The following MTUS2 variants were observed in gnomAD, a reference collection of about 807,000 sequenced individuals.
The protein encoded by MTUS2 is microtubule-associated tumor suppressor candidate 2.
A neutral mutation model predicts 114.1 loss-of-function variants in MTUS2; 40 were observed. The observed-to-expected ratio is 0.35, with a 90% CI of 0.27 to 0.46. The LOEUF is 0.46. Ranked by LOEUF, MTUS2 falls within the 20% of genes least tolerant of loss-of-function variation. The pLI is 1.00. For synonymous variants in MTUS2, 688 were observed against 672.0 expected (o/e 1.02, Z -0.37); for missense variants, 1,679 against 1,705.4 (o/e 0.98, Z 0.27).
At chr13:29,230,103 G>A (rs1363208124) in intron 5 of MTUS2, among the ~76,000 whole-genome samples, 8 of 151,982 alleles carry the variant, frequency 5.3e-5, no homozygotes, top group African/African-American at 1.2e-4. Flanking sequence ...AAAATTAGCC[G>A]GGCATGGTGG....
intron 5 of MTUS2, among the ~76,000 whole-genome samples, chr13:29,209,172 T>C (rs1895317554): frequency 6.6e-6 from 1 of 152,176 alleles, no homozygotes; most frequent in Non-Finnish European, 1.5e-5. Flanking sequence ...TTTATCATTA[T>C]GTAATATTCC....
At chr13:29,043,208 G>T (rs2138566360) in intron 4 of MTUS2, among the ~76,000 whole-genome samples, 1 of 152,190 alleles carries the variant, frequency 6.6e-6, no homozygotes, top group African/African-American at 2.4e-5. Flanking sequence ...TCTTTCAAGA[G>T]CAGGTTGTTT....
intron 2 of MTUS2, among the ~76,000 whole-genome samples, chr13:28,894,138 A>G (rs1246314556): frequency 6.6e-6 from 1 of 151,212 alleles, no homozygotes; most frequent in Non-Finnish European, 1.5e-5. Flanking sequence ...TCACCCTACA[A>G]TTCATATATT....
intron 2 of MTUS2, among the ~76,000 whole-genome samples, chr13:28,955,543 G>A (rs1273352464): frequency 6.6e-6 from 1 of 152,168 alleles, no homozygotes; most frequent in Non-Finnish European, 1.5e-5. Flanking sequence ...ACCCATATAT[G>A]TGATGGTTTT....
chr13:29,069,959 A>G (rs1441525020), intron 4 of MTUS2, among the ~76,000 whole-genome samples: 3 of 152,254 alleles, frequency 2.0e-5, no homozygotes, highest in African/African-American at 7.2e-5. Flanking sequence ...TATAACAAAA[A>G]GGGGATGTAT....
chr13:29,000,996 T>G (rs1885360450), intron 2 of MTUS2, among the ~76,000 whole-genome samples: 1 of 152,146 alleles, frequency 6.6e-6, no homozygotes, highest in African/African-American at 2.4e-5. Context: ...TCTACAGTCC[T>G]TAGGGTAGGA....
intron 4 of MTUS2, among the ~76,000 whole-genome samples, chr13:29,055,751 A>G (rs564634750): frequency 4.3e-4 from 65 of 152,180 alleles, no homozygotes; most frequent in African/African-American, 1.4e-3. Flanking sequence ...TTGCCATTCT[A>G]ACTGGTGTGA....
intron 5 of MTUS2, among the ~76,000 whole-genome samples, chr13:29,154,306 C>T (rs1892774325): frequency 1.3e-5 from 2 of 152,144 alleles, no homozygotes; most frequent in South Asian, 4.1e-4. Context: ...GGTTACTCTT[C>T]AGTTTTAAAA....
Position 29,031,815 on chromosome 13 carries a change from C to T in MTUS2, c.2206-2070C>T, listed in dbSNP as rs541370186. ...CCAGACACCCTTCCCCCACCACTAT[C>T]CCAGTGGCTTGTTAACAAAGCCTTC... On this transcript the variant is annotated intron_variant, in intron 3 of 15. Transcript: ENST00000612955. Among the ~76,000 whole-genome samples the T allele has an allele frequency of 2.7e-4, 41 of 152,162 alleles. 1 individual carries two copies. Among genetic ancestry groups the T allele is most frequent in the Non-Finnish European group, 3.8e-4 (26 of 68,000 alleles).
intron 4 of MTUS2, among the ~76,000 whole-genome samples, chr13:29,058,938 C>T: frequency 6.6e-6 from 1 of 152,078 alleles, no homozygotes; most frequent in East Asian, 1.9e-4. Context: ...CTTAAAATGG[C>T]CATTTCATCT....
At chr13:29,428,899 A>G (rs748605424) in intron 8 of MTUS2, 3 of 1,613,904 alleles carry the variant, frequency 1.9e-6, no homozygotes, top group Non-Finnish European at 2.5e-6. Flanking sequence ...ACAAGACGGT[A>G]CTTTGCCTTC....
At chr13:28,879,029 G>A (rs943891692) in intron 2 of MTUS2, among the ~76,000 whole-genome samples, 2 of 152,166 alleles carry the variant, frequency 1.3e-5, no homozygotes, top group African/African-American at 2.4e-5. Context: ...ATTCTGACTG[G>A]CATGAGATGT....
intron 2 of MTUS2, among the ~76,000 whole-genome samples, chr13:28,864,145 A>G (rs1036198531): frequency 5.9e-5 from 9 of 152,166 alleles, no homozygotes; most frequent in African/African-American, 1.9e-4. Flanking sequence ...TTGAAAATCT[A>G]TGAAGATTCA....
intron 6 of MTUS2, among the ~76,000 whole-genome samples, chr13:29,309,120 T>C (rs1384546236): frequency 6.6e-6 from 1 of 152,206 alleles, no homozygotes; most frequent in East Asian, 1.9e-4. Context: ...TAAAGATACA[T>C]GCATGCGTAT....
chr13:29,154,955 G>A (rs932531046), intron 5 of MTUS2, among the ~76,000 whole-genome samples: 6 of 152,196 alleles, frequency 3.9e-5, no homozygotes, highest in African/African-American at 1.2e-4. Flanking sequence ...TTTTAACAGG[G>A]TAGTGGAAAA....
intron 8 of MTUS2, chr13:29,428,651 C>T (rs1876748198): frequency 1.7e-6 from 2 of 1,148,290 alleles, no homozygotes; most frequent in East Asian, 4.7e-5. Flanking sequence ...CTGCCCTGCT[C>T]TCCTCCTCCT....
chr13:29,018,428 G>T (rs945470684), intron 2 of MTUS2, among the ~76,000 whole-genome samples: 2 of 152,288 alleles, frequency 1.3e-5, no homozygotes, highest in African/African-American at 4.8e-5. Flanking sequence ...AATGGATGAA[G>T]AAATTCTATA....
At chr13:28,888,997 C>T (rs533140633) in intron 2 of MTUS2, among the ~76,000 whole-genome samples, 1 of 152,296 alleles carries the variant, frequency 6.6e-6, no homozygotes. Flanking sequence ...CCACCCCTCT[C>T]CCAGGAAAAG....
intron 9 of MTUS2, among the ~76,000 whole-genome samples, chr13:29,473,535 A>G (rs565808940): frequency 5.9e-5 from 9 of 152,344 alleles, no homozygotes; most frequent in African/African-American, 2.2e-4. Flanking sequence ...ACTGGTTTAC[A>G]CTAAGAAGTT....
Sources: allele counts gnomAD v4.1 joint callset (sites outside exome capture counted in the v4.1 genomes callset), GRCh38; gene constraint gnomAD v4.1.1; transcripts MANE v1.5; gene names NCBI Gene and HGNC (gene_info 2026-07-23, HGNC 2026-07-21).